The following ADAMTS12 variants were observed in gnomAD, a reference collection of about 807,000 sequenced individuals.
The protein encoded by ADAMTS12 is ADAM metallopeptidase with thrombospondin type 1 motif 12.
ADAMTS12 carries 118 observed loss-of-function variants against 167.8 expected under a neutral mutation model. The ratio of observed to expected loss-of-function variants is 0.70; its 90% CI spans 0.61 to 0.82. The LOEUF is 0.82. Among genes scored for constraint, ADAMTS12 ranks in the 40% least tolerant of loss-of-function variants. ADAMTS12 has a pLI of 0.00. For missense variants in ADAMTS12, 1,916 were observed against 1,998.8 expected, an observed-to-expected ratio of 0.96 and a Z score of 0.79; for synonymous variants, 704 against 716.9, an observed-to-expected ratio of 0.98 and a Z score of 0.29.
chr5:33,686,832 T>C (rs13155978), intron 3 of ADAMTS12, among the ~76,000 whole-genome samples: 2 of 150,230 alleles, frequency 1.3e-5, no homozygotes, highest in African/African-American at 4.9e-5. Flanking sequence ...GTATATATCT[T>C]CCTGCTGTGT....
intron 9 of ADAMTS12, 80 bp from the exon 10 acceptor site, chr5:33,643,550 C>A: frequency 8.4e-7 from 1 of 1,195,816 alleles, no homozygotes; most frequent in Non-Finnish European, 1.2e-6. Flanking sequence ...AATATGCACA[C>A]TCATCCACAC....
chr5:33,617,356 A>G (rs1344737104), intron 14 of ADAMTS12, among the ~76,000 whole-genome samples: 1 of 152,050 alleles, frequency 6.6e-6, no homozygotes, highest in Non-Finnish European at 1.5e-5. Context: ...CAATTTCTTC[A>G]TCTTCCTCTG....
chr5:33,683,060 A>C lies in ADAMTS12; in HGVS notation c.873T>G (p.Ile291Met). Residue 291 changes from isoleucine (I) to methionine (M), a missense_variant, in exon 5 of 24, where the codon ATT becomes ATG. Transcript: ENST00000504830. ...LFHNPSIGNA[I>M]HIVVVRLILL... ...GAATGAGCCGAACCACAACAATGTG[A>C]ATTGCATTGCCAATGCTTGGGTTAT... The C allele has an allele frequency of 6.2e-7, 1 of 1,613,690 alleles. No individual in the cohort carries two copies. Among genetic ancestry groups the C allele is most frequent in the Non-Finnish European group, 8.5e-7 (1 of 1,179,840 alleles).
rs141396720 is a variant in ADAMTS12 at position 33,699,602 on chromosome 5, G to A, written c.635-15547C>T. Among the ~76,000 whole-genome samples, 676 of 152,240 alleles carry A rather than the reference G, an allele frequency of 4.4e-3. 8 individuals are homozygous for A. Among genetic ancestry groups the A allele is most frequent in the African/African-American group, 0.015 (632 of 41,542 alleles). On this transcript the variant is annotated intron_variant, in intron 3 of 23. Transcript: ENST00000504830. The stretch of plus-strand genomic sequence containing the variant: ...CTGCCCATGTGAAATCTGGAGTTTC[G>A]TTTTGGATTGATAAAAAGCTCTAAA...
chr5:33,792,728 C>T (rs1315959738), intron 2 of ADAMTS12, among the ~76,000 whole-genome samples: 1 of 152,204 alleles, frequency 6.6e-6, no homozygotes, highest in African/African-American at 2.4e-5. Flanking sequence ...AGATAGTATC[C>T]TTGAAAAGCC....
intron 2 of ADAMTS12, among the ~76,000 whole-genome samples, chr5:33,754,128 C>T (rs1043527525): frequency 6.6e-6 from 1 of 152,126 alleles, no homozygotes; most frequent in African/African-American, 2.4e-5. Flanking sequence ...CTCTTCTCAT[C>T]TAACTGGAGC....
chr5:33,604,838 G>GAA (rs1485213244), intron 16 of ADAMTS12, among the ~76,000 whole-genome samples: 1 of 151,916 alleles, frequency 6.6e-6, no homozygotes, highest in Non-Finnish European at 1.5e-5. Flanking sequence ...AGAGAAAAAA[G>GAA]AAAAAGCCAC....
chr5:33,836,916 T>A (rs1202406503), intron 2 of ADAMTS12, among the ~76,000 whole-genome samples: 1 of 141,348 alleles, frequency 7.1e-6, no homozygotes, highest in African/African-American at 2.8e-5. Context: ...GGCTTTAAAA[T>A]TTTTTTTTTT....
rs781236736 is a variant in ADAMTS12, at chr5:33,648,955, C to G, written c.1346G>C (p.Gly449Ala). The change falls in exon 9 of 24, where the codon GGG (glycine) becomes GCG (alanine). Residue 449 changes from glycine (G) to alanine (A), a missense_variant. Coordinates refer to ENST00000504830, the MANE Select transcript of ADAMTS12 (RefSeq NM_030955.4). ...TTTAGGTATGTCATCAAGACAGAACCCCCAGCCTCGGCTGAAAACAAGTTA... is the reference window on the plus strand; with the variant it reads ...TTTAGGTATGTCATCAAGACAGAACGCCCAGCCTCGGCTGAAAACAAGTTA... The part of the protein sequence containing the change: ...YITRFLDRGW[G>A]FCLDDIPKKK... 5 of 1,613,678 alleles carry G rather than the reference C, an allele frequency of 3.1e-6. No individual in the cohort carries two copies. The highest frequency in any genetic ancestry group is 4.2e-6 in the Non-Finnish European group (5 of 1,179,740).
chr5:33,869,981 A>T (rs1749973679), intron 2 of ADAMTS12, among the ~76,000 whole-genome samples: 1 of 152,112 alleles, frequency 6.6e-6, no homozygotes, highest in African/African-American at 2.4e-5. Flanking sequence ...TTTCCCAGGG[A>T]TGTTAATTAT....
intron 2 of ADAMTS12, among the ~76,000 whole-genome samples, chr5:33,770,286 C>T (rs56398131): frequency 4.6e-5 from 7 of 152,128 alleles, no homozygotes; most frequent in African/African-American, 7.2e-5. Flanking sequence ...GTAAGAGATC[C>T]TATTTGGATC....
At chr5:33,657,166 A>G (rs957813115) in intron 7 of ADAMTS12, among the ~76,000 whole-genome samples, 1 of 152,214 alleles carries the variant, frequency 6.6e-6, no homozygotes. Flanking sequence ...TTTATAATGT[A>G]GGTAAAATTG....
At chr5:33,831,816 A>G (rs1042526135) in intron 2 of ADAMTS12, among the ~76,000 whole-genome samples, 3 of 152,238 alleles carry the variant, frequency 2.0e-5, no homozygotes, top group African/African-American at 7.2e-5. Flanking sequence ...CAGCTCTCCA[A>G]GATGAAAGCT....
At chr5:33,691,519 C>T (rs1742546175) in intron 3 of ADAMTS12, among the ~76,000 whole-genome samples, 1 of 152,162 alleles carries the variant, frequency 6.6e-6, no homozygotes, top group South Asian at 2.1e-4. Context: ...TCTCCCTGGT[C>T]TTAAGGACAG....
chr5:33,571,023 A>T lies in ADAMTS12; in HGVS notation c.3972+5031T>A, dbSNP rs535410941. 2.6e-5 allele frequency among the ~76,000 whole-genome samples: 4 copies of T among 152,200 alleles called. No homozygotes were observed. In the East Asian group the frequency reaches 7.7e-4, roughly 29 times the overall value. On this transcript the variant is annotated intron_variant, in intron 19 of 23. Transcript: ENST00000504830. ...AAGGCCATTACATAATGGTAAAGGG[A>T]TCAATTCAACAAGAAGAGCTAACTA...
intron 2 of ADAMTS12, among the ~76,000 whole-genome samples, chr5:33,818,092 C>T (rs1392288817): frequency 6.6e-6 from 1 of 152,090 alleles, no homozygotes; most frequent in African/African-American, 2.4e-5. Context: ...TCTATCATCT[C>T]ACATAGTTAC....
In ADAMTS12 at chr5:33,549,350, G is replaced by A. The variant is rs771662441; in HGVS notation, c.4159C>T (p.Arg1387Cys). ...CGGCTGTCCACGCACTGAATCTCGC[G>A]TATCTTGAAGCCCCCACTGCAGTTT... ...SRNCSGGFKI[R>C]EIQCVDSRDH... Residue 1387 changes from arginine (R) to cysteine (C), a missense_variant, in exon 21 of 24, where the codon CGC becomes TGC. Transcript: ENST00000504830. The A allele has an allele frequency of 5.6e-6, 9 of 1,614,060 alleles. No individual in the cohort carries two copies. The highest frequency in any genetic ancestry group is 2.2e-5 in the South Asian group (2 of 91,080).
At chr5:33,675,410 A>G (rs556872062) in intron 5 of ADAMTS12, among the ~76,000 whole-genome samples, 1 of 152,344 alleles carries the variant, frequency 6.6e-6, no homozygotes, top group East Asian at 1.9e-4. Flanking sequence ...ATCTCAACAT[A>G]GGAGATTCTT....
rs1050157159 is a variant in ADAMTS12 at position 33,526,394 on chromosome 5, C to T, written c.*794G>A. 4.6e-5 allele frequency: 7 copies of T among 152,250 alleles called. No homozygotes were observed. Among genetic ancestry groups the T allele is most frequent in the Admixed American group, 2.6e-4 (4 of 15,300 alleles). The allele number at this position is 152,250 out of a possible 1,614,324, so 9.4% of individuals were successfully genotyped here. A position where few individuals can be genotyped will look rare whatever the true frequency, so the allele number is the denominator to read the frequency against. ...CCAGGAAAGTGGGAAGAATAAAGGC[C>T]CACAGTTCCTTTTCTGTAATATTAA... On this transcript the variant is annotated 3_prime_UTR_variant, in exon 24 of 24. Coordinates refer to ENST00000504830, the MANE Select transcript of ADAMTS12 (RefSeq NM_030955.4).
Sources: gnomAD v4.1 joint callset for allele counts (sites outside exome capture counted in the v4.1 genomes callset) on GRCh38, gnomAD v4.1.1 for gene constraint, MANE v1.5 for transcripts, NCBI Gene and HGNC (gene_info 2026-07-23, HGNC 2026-07-21) for gene names.